The following RSPO2 variants were observed in gnomAD, a reference collection of about 807,000 sequenced individuals.
The protein encoded by RSPO2 is R-spondin 2, also known as R-spondin-2.
In RSPO2, 14 loss-of-function variants were observed where a neutral mutation model predicts 30.9. The observed-to-expected ratio is 0.45, with a 90% confidence interval of 0.30 to 0.71. RSPO2 has a LOEUF of 0.71. Ranked by LOEUF, RSPO2 falls within the 30% of genes least tolerant of loss-of-function variation. The pLI is 0.08. For missense variants in RSPO2, 264 were observed against 301.9 expected (o/e 0.87, Z 0.93); for synonymous variants, 107 against 96.4 (o/e 1.11, Z -0.64).
intron 5 of RSPO2, among the ~76,000 whole-genome samples, chr8:107,956,163 C>A (rs748640611): frequency 3.3e-5 from 5 of 152,030 alleles, no homozygotes; most frequent in Non-Finnish European, 7.4e-5. Context: ...ATATAAGTAA[C>A]CTTATTACAG....
At chr8:108,080,824 T>C (rs1169981531) in intron 2 of RSPO2, among the ~76,000 whole-genome samples, 1 of 152,138 alleles carries the variant, frequency 6.6e-6, no homozygotes, top group African/African-American at 2.4e-5. Context: ...AGCACTTTAG[T>C]TTTTCTAAGT....
At chr8:107,910,530 C>A (rs1811789397) in intron 5 of RSPO2, among the ~76,000 whole-genome samples, 1 of 152,118 alleles carries the variant, frequency 6.6e-6, no homozygotes, top group Non-Finnish European at 1.5e-5. Context: ...AATACCCTGT[C>A]TCTTAAAGAA....
chr8:108,072,638 G>A lies in RSPO2; in HGVS notation c.94+9907C>T, dbSNP rs539594751. Among the ~76,000 whole-genome samples, 63 of 151,664 alleles carry A rather than the reference G, an allele frequency of 4.2e-4. No homozygotes were observed. In the South Asian group the frequency reaches 7.1e-3, roughly 17 times the overall value. ...CAGGCATAAGCCACCGCGCCCGGCC[G>A]ATGCCAGAGAATTTTTCAGCCCCAA... On this transcript the variant is annotated intron_variant, in intron 2 of 5. Transcript: ENST00000276659.
At chr8:107,988,999 G>GC in intron 3 of RSPO2, 57 bp downstream of exon 3, 1 of 1,403,718 alleles carries the variant, frequency 7.1e-7, no homozygotes, top group Non-Finnish European at 9.7e-7. Flanking sequence ...CTTCAACTTA[G>GC]CTCCTCTCCT....
chr8:107,974,333 A>G (rs552971472), intron 3 of RSPO2, among the ~76,000 whole-genome samples: 2 of 152,004 alleles, frequency 1.3e-5, no homozygotes, highest in East Asian at 1.9e-4. Flanking sequence ...CAAAAAAAAA[A>G]AAAAGAAAAA....
intron 3 of RSPO2, among the ~76,000 whole-genome samples, chr8:107,988,133 G>C (rs183653037): frequency 5.3e-5 from 8 of 152,088 alleles, no homozygotes; most frequent in Non-Finnish European, 1.0e-4. Context: ...CATTCTGTAA[G>C]TGATTTTTGG....
intron 2 of RSPO2, among the ~76,000 whole-genome samples, chr8:107,992,813 T>A (rs1260026014): frequency 6.6e-6 from 1 of 152,140 alleles, no homozygotes. Context: ...ATCTTCAACA[T>A]GTTGAGGAAA....
rs373167001 is a variant in RSPO2, at chr8:107,943,910, AAAG to A, written c.616+14167_616+14169del. On this transcript the variant is annotated intron_variant, in intron 5 of 5. Coordinates refer to ENST00000276659, the MANE Select transcript of RSPO2 (RefSeq NM_178565.5). ...TTCCACAGGTTTTGACGTAAGATGA[AAAG>A]AAGAACAGAGGGAGAGGGGGACGGG... is the stretch of plus-strand genomic sequence containing the variant. Among the ~76,000 whole-genome samples the A allele has an allele frequency of 3.8e-3, 582 of 152,318 alleles. 3 individuals are homozygous for A. Among genetic ancestry groups the A allele is most frequent in the African/African-American group, 0.013 (559 of 41,576 alleles).
chr8:107,969,341 A>G (rs1035138733), intron 3 of RSPO2, among the ~76,000 whole-genome samples: 10 of 152,290 alleles, frequency 6.6e-5, no homozygotes, highest in African/African-American at 2.4e-4. Context: ...ATATGCTGTC[A>G]AAAAATGTAT....
intron 2 of RSPO2, among the ~76,000 whole-genome samples, chr8:108,034,476 GAT>G (rs1811528714): frequency 6.6e-6 from 1 of 152,182 alleles, no homozygotes; most frequent in Non-Finnish European, 1.5e-5. Flanking sequence ...TAAAGTACAT[GAT>G]ATCAGAGATT....
intron 2 of RSPO2, among the ~76,000 whole-genome samples, chr8:108,068,935 T>C (rs898088225): frequency 4.6e-5 from 7 of 152,214 alleles, no homozygotes; most frequent in Non-Finnish European, 1.0e-4. Context: ...TTTGTAGTAC[T>C]TTGTCACAGC....
At chr8:108,056,272 A>G (rs1812238214) in intron 2 of RSPO2, among the ~76,000 whole-genome samples, 2 of 152,122 alleles carry the variant, frequency 1.3e-5, no homozygotes, top group South Asian at 2.1e-4. Context: ...CTGTAAGCTA[A>G]TAAGTATGTG....
Position 107,899,789 on chromosome 8 carries a change from T to TG in RSPO2, c.*1285dup, listed in dbSNP as rs1373173604. On this transcript the variant is annotated 3_prime_UTR_variant, in exon 6 of 6. Coordinates refer to ENST00000276659, the MANE Select transcript of RSPO2 (RefSeq NM_178565.5). ...TCCCCTAAAAGGACAATGATGTGTT[T>TG]GAAACAACTGCTCTGAAAGTCACCT... 1.3e-5 allele frequency: 2 copies of TG among 152,228 alleles called. No homozygotes were observed. Among genetic ancestry groups the TG allele is most frequent in the African/African-American group, 2.4e-5 (1 of 41,454 alleles). 9.4% of individuals were successfully genotyped at this position (152,228 alleles called of 1,614,324 possible). A position where few individuals can be genotyped will look rare whatever the true frequency, so the allele number is the denominator to read the frequency against.
chr8:108,026,899 TA>T (rs1248462801), intron 2 of RSPO2, among the ~76,000 whole-genome samples: 2 of 152,118 alleles, frequency 1.3e-5, no homozygotes. Context: ...GGAATCTGGA[TA>T]AATGGCATAC....
intron 2 of RSPO2, among the ~76,000 whole-genome samples, chr8:108,025,967 TATATC>T (rs1811202082): frequency 6.6e-6 from 1 of 152,220 alleles, no homozygotes; most frequent in Non-Finnish European, 1.5e-5. Context: ...AACAAGATTT[TATATC>T]ATATCAAAGT....
chr8:108,009,921 C>T (rs1304456134), intron 2 of RSPO2, among the ~76,000 whole-genome samples: 2 of 149,878 alleles, frequency 1.3e-5, no homozygotes, highest in African/African-American at 2.5e-5. Flanking sequence ...TGGTGGCACA[C>T]GCTTGTAGTC....
intron 3 of RSPO2, among the ~76,000 whole-genome samples, chr8:107,961,929 G>A (rs1273475391): frequency 6.6e-6 from 1 of 152,148 alleles, no homozygotes; most frequent in Non-Finnish European, 1.5e-5. Flanking sequence ...AGAAATCCTT[G>A]GCATGCACAG....
At chr8:108,045,318 A>G (rs1197422077) in intron 2 of RSPO2, among the ~76,000 whole-genome samples, 5 of 152,268 alleles carry the variant, frequency 3.3e-5, no homozygotes, top group Admixed American at 1.3e-4. Context: ...ACATGAAAAA[A>G]TGCTCCCTAT....
chr8:108,049,588 T>TC (rs1232251803), intron 2 of RSPO2, among the ~76,000 whole-genome samples: 1 of 151,688 alleles, frequency 6.6e-6, no homozygotes, highest in East Asian at 2.0e-4. Context: ...TATGTGATGT[T>TC]CCCCCCTTCC....
Sources: gnomAD v4.1 joint callset for allele counts (sites outside exome capture counted in the v4.1 genomes callset) on GRCh38, gnomAD v4.1.1 for gene constraint, MANE v1.5 for transcripts, NCBI Gene and HGNC (gene_info 2026-07-23, HGNC 2026-07-21) for gene names.